Variants in FAT1 observed in about 807,000 individuals in gnomAD.
FAT1 encodes FAT atypical cadherin 1, also known as protocadherin Fat 1.
A neutral mutation model predicts 329.8 loss-of-function variants in FAT1; 171 were observed. The observed-to-expected ratio is 0.52, with a 90% confidence interval of 0.46 to 0.59. The LOEUF (loss-of-function observed/expected upper bound fraction) is 0.59, where lower values mean the gene tolerates loss of function less well. Ranked by LOEUF, FAT1 falls within the 20% of genes least tolerant of loss-of-function variation. FAT1 has a pLI of 0.00. For missense variants in FAT1, 5,672 were observed against 5,774.4 expected, an observed-to-expected ratio of 0.98 and a Z score of 0.57; for synonymous variants, 2,233 against 2,228.6, an observed-to-expected ratio of 1.00 and a Z score of -0.06.
rs1432648324 is a variant in FAT1 at position 186,618,229 on chromosome 4, T to C, written c.8357A>G (p.Asp2786Gly). Residue 2786 changes from aspartate (D) to glycine (G), a missense_variant, in exon 10 of 27, where the codon GAC becomes GGC. Asp to Gly is a moderately conservative substitution (Grantham distance 94, BLOSUM62 -1). Around this residue, in one of 2 missense-constraint regions of FAT1, gnomAD observed 3,966 missense variants for 3,915.2 expected, o/e 1.01. Transcript: ENST00000441802. ...FSILARCTQD[D>G]HEMVASVDVS... ...ATCTACAGAAGCCACCATCTCATGG[T>C]CATCTTGAGTGCACCTGGCCAGTAT... 2 of 1,614,052 alleles carry C rather than the reference T, an allele frequency of 1.2e-6. No individual in the cohort carries two copies.
chr4:186,695,760 AACAC>A (rs34932295), intron 2 of FAT1, among the ~76,000 whole-genome samples: 13,564 of 141,250 alleles, frequency 0.096, 650 homozygotes, highest in Non-Finnish European at 0.11. Context: ...TTATATATAA[AACAC>A]ACACACACAC....
upstream of FAT1, among the ~76,000 whole-genome samples, chr4:186,725,802 G>T (rs1427768300): frequency 6.6e-6 from 1 of 152,204 alleles, no homozygotes; most frequent in East Asian, 1.9e-4. The surrounding 1 kb of genome is among the most constrained non-coding windows in gnomAD (Gnocchi z 5.4). Context: ...GGGTTGGGGA[G>T]ACGGTTCCAG....
At chr4:186,625,707 G>A (rs1740266882) in intron 9 of FAT1, among the ~76,000 whole-genome samples, 1 of 152,256 alleles carries the variant, frequency 6.6e-6, no homozygotes, top group African/African-American at 2.4e-5. Flanking sequence ...ACAGAAAACT[G>A]TAAACTGTCT....
Position 186,588,666 on chromosome 4 carries a change from CAT to C in FAT1, c.13691_13692del (p.Tyr4564Ter). ...TCGAAGTGGCCGTCGTCCCCGCTCT[CAT>C]AGTCACTCATCATGACCTCGGACTC... Reference protein sequence around the residue: ...EVESEVMMSDYESGDDGHFEE... With the variant: ...EVESEVMMSDXESGDDGHFEE... On this transcript the variant is annotated frameshift_variant, in exon 27 of 27. Coordinates refer to ENST00000441802, the MANE Select transcript of FAT1 (RefSeq NM_005245.4). LOFTEE classifies it high-confidence loss of function. The C allele has an allele frequency of 1.2e-6, 2 of 1,614,000 alleles. No individual in the cohort carries two copies. Among genetic ancestry groups the C allele is most frequent in the African/African-American group, 1.3e-5 (1 of 75,024 alleles).
intron 1 of FAT1, among the ~76,000 whole-genome samples, chr4:186,723,147 T>C (rs1745535475): frequency 6.6e-6 from 1 of 152,230 alleles, no homozygotes; most frequent in Admixed American, 6.5e-5. Context: ...AAACCGCACA[T>C]TGTGCAGATG....
rs3733409 is a variant in FAT1, at chr4:186,706,439, C to T, written c.3265+124G>A. 0.15 allele frequency: 151,540 copies of T among 987,692 alleles called. 13,275 individuals carry two copies. Among genetic ancestry groups the T allele is most frequent in the South Asian group, 0.28 (15,838 of 56,238 alleles). 61.2% of individuals were successfully genotyped at this position (987,692 alleles called of 1,614,324 possible). A position where few individuals can be genotyped will look rare whatever the true frequency, so the allele number is the denominator to read the frequency against. On this transcript the variant is annotated intron_variant, in intron 2 of 26. Transcript: ENST00000441802. ...AGCCGGGCCAAAAAAAATATTCACA[C>T]GCACTTCTATACCGAGCCCAAAGAG...
intron 3 of FAT1, among the ~76,000 whole-genome samples, chr4:186,643,211 T>C (rs1429496789): frequency 6.6e-6 from 1 of 152,108 alleles, no homozygotes; most frequent in Non-Finnish European, 1.5e-5. Flanking sequence ...GCAAGGCAGA[T>C]GGAGAACGCG....
At chr4:186,589,317 G>T (rs754047408) in intron 26 of FAT1, 97 bp from the exon 27 acceptor site, 4 of 1,294,686 alleles carry the variant, frequency 3.1e-6, no homozygotes, top group Non-Finnish European at 4.2e-6. Flanking sequence ...AGATGCAACC[G>T]CATTTATGCC....
chr4:186,611,501 T>C lies in FAT1; in HGVS notation c.9738A>G (p.Gly3246=). The C allele has an allele frequency of 6.2e-7, 1 of 1,613,984 alleles. No homozygotes were observed. The highest frequency in any genetic ancestry group is 1.1e-5 in the South Asian group (1 of 91,074). The part of the protein sequence containing the change: ...GATVSEDILV[G]TEVLQVYAAS... Reference sequence around the variant, plus strand: ...CTGCATACACTTGAAGAACTTCAGTTCCAACAAGAATGTCCTCAGACACGG... The same window carrying C: ...CTGCATACACTTGAAGAACTTCAGTCCCAACAAGAATGTCCTCAGACACGG... Residue 3246 remains glycine (G), a synonymous_variant, in exon 14 of 27, where the codon GGA becomes GGG. Transcript: ENST00000441802.
At chr4:186,643,249 C>T (rs571596389) in intron 3 of FAT1, among the ~76,000 whole-genome samples, 15 of 152,246 alleles carry the variant, frequency 9.9e-5, no homozygotes, top group Middle Eastern at 3.4e-3. Context: ...CTCTGCTGGA[C>T]GGCACCGGTC....
In FAT1 at chr4:186,597,034, T is replaced by C; in HGVS notation, c.12506A>G (p.Gln4169Arg). The change falls in exon 25 of 27, where the codon CAG (glutamine) becomes CGG (arginine). Residue 4169 changes from glutamine (Q) to arginine (R), a missense_variant. Transcript: ENST00000441802. The part of the protein sequence containing the change: ...GRHCEDAAPN[Q>R]YVSTPWNIGL... ...AATGTTCCACGGCGTGGACACATACTGGTTGGGCGCAGCATCCTCGCAGTG... is the reference window on the plus strand; with the variant it reads ...AATGTTCCACGGCGTGGACACATACCGGTTGGGCGCAGCATCCTCGCAGTG... 4 of 1,614,000 alleles carry C rather than the reference T, an allele frequency of 2.5e-6. No homozygotes were observed. The highest frequency in any genetic ancestry group is 3.4e-6 in the Non-Finnish European group (4 of 1,179,890).
chr4:186,689,674 C>A (rs892839576), intron 2 of FAT1, among the ~76,000 whole-genome samples: 2 of 152,174 alleles, frequency 1.3e-5, no homozygotes, highest in Admixed American at 6.5e-5. Context: ...CTTTTAACAT[C>A]CTCATTGAAT....
At position 186,708,616 on chromosome 4, in the gene FAT1, A is replaced by G. The variant is rs3733414; in HGVS notation, c.1212T>C (p.Ser404=). 4 of 1,613,716 alleles carry G rather than the reference A, an allele frequency of 2.5e-6. No individual in the cohort carries two copies. Among genetic ancestry groups the G allele is most frequent in the South Asian group, 2.2e-5 (2 of 91,064 alleles). ...AACTGAATTTAGCTTTTCCAGGTGT[A>G]CTTTTAAAAACATACCTCAAATGGG... ...AYSHLRYVFK[S]TPGKAKFSLN... The change falls in exon 2 of 27, where the codon AGT becomes AGC. Residue 404 remains serine (S), a synonymous_variant. Transcript: ENST00000441802.
chr4:186,701,133 TAAAGA>T (rs1415958192), intron 2 of FAT1, among the ~76,000 whole-genome samples: 1 of 152,132 alleles, frequency 6.6e-6, no homozygotes, highest in Non-Finnish European at 1.5e-5. Context: ...TACAAATAAC[TAAAGA>T]AAAGCTGAAT....
intron 3 of FAT1, among the ~76,000 whole-genome samples, chr4:186,641,768 A>G (rs1741106619): frequency 6.6e-6 from 1 of 152,184 alleles, no homozygotes; most frequent in Non-Finnish European, 1.5e-5. Flanking sequence ...GCACTTTGGG[A>G]GGCTGAGGCA....
At chr4:186,710,932 T>C (rs2126708648) in intron 1 of FAT1, among the ~76,000 whole-genome samples, 1 of 152,360 alleles carries the variant, frequency 6.6e-6, no homozygotes, top group East Asian at 1.9e-4. Flanking sequence ...CGAAGTCCAC[T>C]GGGCTGAGGT....
chr4:186,622,879 C>T (rs943379860), intron 9 of FAT1, among the ~76,000 whole-genome samples: 2 of 152,236 alleles, frequency 1.3e-5, no homozygotes, highest in Non-Finnish European at 2.9e-5. Context: ...CAAAACAAAG[C>T]TCACTTGCCA....
upstream of FAT1, chr4:186,723,942 C>T (rs889539929): frequency 6.6e-6 from 1 of 151,186 alleles, no homozygotes; most frequent in African/African-American, 2.4e-5. Context: ...AGCCCACTTT[C>T]CCCGGCTGCC....
In FAT1 at chr4:186,603,798, A is replaced by C. The variant is rs1738951947; in HGVS notation, c.10728T>G (p.Asp3576Glu). The change falls in exon 19 of 27, where the codon GAT becomes GAG. Residue 3576 changes from aspartate to glutamate, a missense_variant. Asp to Glu is a conservative substitution (Grantham distance 45). Transcript: ENST00000441802. ...GAGGGTCGAGACTGTAGGTTAGAGT[A>C]TCATACACGTCCTGGTCTGTGGCAT... is the stretch of plus-strand genomic sequence containing the variant. ...KIHATDQDVY[D>E]TLTYSLDPQM... The C allele has an allele frequency of 6.2e-7, 1 of 1,613,832 alleles. No homozygotes were observed.
Sources: gnomAD v4.1 joint callset for allele counts (sites outside exome capture counted in the v4.1 genomes callset) on GRCh38, gnomAD v4.1.1 for gene constraint, gnomAD v4.1.1 regional missense constraint, Gnocchi (gnomAD v3.1) non-coding constraint, MANE v1.5 for transcripts, NCBI Gene and HGNC (gene_info 2026-07-23, HGNC 2026-07-21) for gene names.